The following TCF12 variants were observed in gnomAD, a reference collection of about 807,000 sequenced individuals.
TCF12 encodes the protein transcription factor 12.
TCF12 carries 45 observed loss-of-function variants against 86.0 expected under a neutral mutation model. That is an observed-to-expected ratio of 0.52 (90% confidence interval 0.41 to 0.67). The LOEUF (loss-of-function observed/expected upper bound fraction) is 0.67, where lower values mean the gene tolerates loss of function less well. Ranked by LOEUF, TCF12 falls within the 30% of genes least tolerant of loss-of-function variation. TCF12 has a pLI of 0.00. For missense variants in TCF12, 881 were observed against 859.9 expected (o/e 1.02, Z -0.31); for synonymous variants, 330 against 299.6 (o/e 1.10, Z -1.05).
intron 7 of TCF12, among the ~76,000 whole-genome samples, chr15:57,194,832 G>A (rs2057169933): frequency 1.3e-5 from 2 of 152,260 alleles, no homozygotes; most frequent in Admixed American, 6.5e-5. Flanking sequence ...TAAGTAACTA[G>A]CTGCTATATG....
chr15:57,262,137 AT>A lies in TCF12; in HGVS notation c.1513del (p.Ser505GlnfsTer14). The A allele has an allele frequency of 6.2e-7, 1 of 1,613,728 alleles. No individual in the cohort carries two copies. Among genetic ancestry groups the A allele is most frequent in the East Asian group, 2.2e-5 (1 of 44,840 alleles). On this transcript the variant is annotated frameshift_variant, in exon 17 of 21. Coordinates refer to ENST00000333725, the MANE Select transcript of TCF12 (RefSeq NM_207037.2). LOFTEE classifies it high-confidence loss of function. ...GACTCTGTCAGTCTCAATGGCAATC[AT>A]TCAGTCCTGTCTAGTACAGTCACTA... ...REDSVSLNGN[H>X]SVLSSTVTTS...
chr15:57,190,005 A>G (rs533676649), intron 6 of TCF12, among the ~76,000 whole-genome samples: 83 of 152,310 alleles, frequency 5.4e-4, no homozygotes, highest in African/African-American at 1.9e-3. Context: ...TATGAGTCCA[A>G]TTGTGTGGAA....
chr15:57,205,039 G>A (rs760868861), intron 8 of TCF12, among the ~76,000 whole-genome samples: 1 of 152,116 alleles, frequency 6.6e-6, no homozygotes, highest in African/African-American at 2.4e-5. Context: ...CCGGCCAGGC[G>A]CAGTGGCTCT....
At chr15:57,164,031 G>A (rs914485931) in intron 5 of TCF12, among the ~76,000 whole-genome samples, 1 of 152,136 alleles carries the variant, frequency 6.6e-6, no homozygotes, top group African/African-American at 2.4e-5. Context: ...CTGGTGGAGA[G>A]GGCATGACTT....
chr15:57,090,454 T>C (rs564197632), intron 4 of TCF12, among the ~76,000 whole-genome samples: 5 of 152,262 alleles, frequency 3.3e-5, no homozygotes, highest in South Asian at 2.1e-4. Context: ...GAAACAAAGA[T>C]TTATTTGGGA....
intron 16 of TCF12, among the ~76,000 whole-genome samples, chr15:57,261,639 A>G (rs546831172): frequency 2.6e-5 from 4 of 152,142 alleles, no homozygotes; most frequent in Non-Finnish European, 4.4e-5. Context: ...ATGTAAGTTA[A>G]TACTGCAATA....
chr15:56,966,223 T>G (rs1046010478), intron 3 of TCF12, among the ~76,000 whole-genome samples: 19 of 152,174 alleles, frequency 1.2e-4, no homozygotes, highest in Non-Finnish European at 1.9e-4. Flanking sequence ...TTTAGGTTGG[T>G]GCAAACCTAA....
At chr15:57,170,746 T>A (rs1309117051) in intron 6 of TCF12, among the ~76,000 whole-genome samples, 14 of 30,644 alleles carry the variant, frequency 4.6e-4, no homozygotes, top group African/African-American at 1.5e-3. Context: ...TAATATATAT[T>A]ATATATTATA....
chr15:57,096,558 C>T (rs1376731434), intron 5 of TCF12, among the ~76,000 whole-genome samples: 1 of 152,048 alleles, frequency 6.6e-6, no homozygotes, highest in Non-Finnish European at 1.5e-5. Context: ...GCATATAACC[C>T]ACACATATCC....
At chr15:56,982,250 A>T (rs934106805) in intron 3 of TCF12, among the ~76,000 whole-genome samples, 6 of 152,214 alleles carry the variant, frequency 3.9e-5, no homozygotes, top group African/African-American at 1.2e-4. Flanking sequence ...GACTGTGATG[A>T]ATAATTCAAA....
chr15:57,233,062 T>C (rs1195313545), intron 11 of TCF12, among the ~76,000 whole-genome samples: 1 of 122,042 alleles, frequency 8.2e-6, no homozygotes. Context: ...ATGTGTTATA[T>C]ATGTATATGT....
chr15:56,949,094 C>A (rs1190350268), intron 3 of TCF12, among the ~76,000 whole-genome samples: 2 of 152,102 alleles, frequency 1.3e-5, no homozygotes, highest in Admixed American at 6.6e-5. Flanking sequence ...ATAAAAAATA[C>A]ATTGAAATTT....
chr15:57,001,005 A>T (rs1432407084), intron 3 of TCF12, among the ~76,000 whole-genome samples: 1 of 131,520 alleles, frequency 7.6e-6, no homozygotes, highest in African/African-American at 2.8e-5. Context: ...TTAAAAATTT[A>T]AAAAAAATTT....
downstream of TCF12, chr15:57,290,812 C>G (rs565317416): frequency 6.6e-6 from 1 of 151,882 alleles, no homozygotes; most frequent in East Asian, 1.9e-4. Flanking sequence ...CAACAGCTAA[C>G]CACTCTTTCC....
chr15:57,172,794 G>A (rs530428735), intron 6 of TCF12, among the ~76,000 whole-genome samples: 4 of 152,060 alleles, frequency 2.6e-5, no homozygotes, highest in South Asian at 2.1e-4. Flanking sequence ...TTAGTAAAAA[G>A]CAAAGTTGTA....
intron 8 of TCF12, among the ~76,000 whole-genome samples, chr15:57,221,365 A>G (rs1268289195): frequency 1.5e-5 from 2 of 134,952 alleles, no homozygotes; most frequent in Non-Finnish European, 3.1e-5. Flanking sequence ...TGAACATGGT[A>G]TGTGGGTATG....
intron 5 of TCF12, among the ~76,000 whole-genome samples, chr15:57,105,065 C>A (rs542810078): frequency 4.0e-5 from 6 of 149,930 alleles, no homozygotes; most frequent in Non-Finnish European, 8.9e-5. Context: ...GTAGAGATGG[C>A]GTTTCACCAT....
intron 3 of TCF12, among the ~76,000 whole-genome samples, chr15:56,995,727 T>G (rs1298342542): frequency 1.3e-5 from 2 of 152,202 alleles, no homozygotes; most frequent in African/African-American, 4.8e-5. Context: ...TATAGAATCA[T>G]GTAGTCCATG....
At chr15:57,078,413 C>G (rs1189328227) in intron 4 of TCF12, among the ~76,000 whole-genome samples, 1 of 152,126 alleles carries the variant, frequency 6.6e-6, no homozygotes, top group Non-Finnish European at 1.5e-5. Flanking sequence ...ACATGCATCT[C>G]AGGCCCAGAC....
Sources: allele counts gnomAD v4.1 joint callset (sites outside exome capture counted in the v4.1 genomes callset), GRCh38; gene constraint gnomAD v4.1.1; transcripts MANE v1.5; gene names NCBI Gene and HGNC (gene_info 2026-07-23, HGNC 2026-07-21).